ZNF124: variants seen among roughly 807,000 people sequenced by gnomAD.
The protein encoded by ZNF124 is zinc finger protein HZF-16.
Under a neutral mutation model 26.6 loss-of-function variants are expected in ZNF124, and 25 were observed. The observed-to-expected ratio is 0.94, with a 90% confidence interval of 0.68 to 1.31. The LOEUF is 1.31. Ranked by LOEUF, ZNF124 falls within the 40% of genes most tolerant of loss-of-function variation. The pLI is 0.00. For synonymous variants in ZNF124, 129 were observed against 133.3 expected (o/e 0.97, Z 0.22); for missense variants, 444 against 422.2 (o/e 1.05, Z -0.45).
intron 3 of ZNF124, among the ~76,000 whole-genome samples, chr1:247,134,290 A>G (rs1404175916): frequency 1.3e-5 from 2 of 152,246 alleles, no homozygotes; most frequent in Non-Finnish European, 2.9e-5. Context: ...AAAAGCCCCA[A>G]TTAAAAGACT....
downstream of ZNF124, among the ~76,000 whole-genome samples, chr1:247,151,259 C>T (rs556861430): frequency 3.8e-4 from 58 of 152,168 alleles, no homozygotes; most frequent in Middle Eastern, 3.4e-3. Context: ...GCGGGCGGAT[C>T]ATGAGGTCAG....
chr1:247,123,811 C>T (rs1276408013), exon 4 of ZNF124: 3 of 701,442 alleles, frequency 4.3e-6, no homozygotes, highest in Non-Finnish European at 7.8e-6. Context: ...CCAGCCCAGC[C>T]TCTTAGTAGC....
At chr1:247,153,580 G>A (rs1438608783), downstream of ZNF124, among the ~76,000 whole-genome samples, 3 of 152,046 alleles carry the variant, frequency 2.0e-5, no homozygotes, top group Non-Finnish European at 1.5e-5. Context: ...ATAACATTTC[G>A]GATTTCTACT....
At chr1:247,142,493 A>C (rs1252033275) in intron 3 of ZNF124, among the ~76,000 whole-genome samples, 1 of 152,228 alleles carries the variant, frequency 6.6e-6, no homozygotes, top group Non-Finnish European at 1.5e-5. Flanking sequence ...TATATTAAAA[A>C]GAGTAGCAAA....
chr1:247,160,595 TTATC>T (rs1315839529), intron 1 of ZNF124, among the ~76,000 whole-genome samples: 1 of 152,198 alleles, frequency 6.6e-6, no homozygotes, highest in Non-Finnish European at 1.5e-5. Flanking sequence ...GCTAAATAGT[TTATC>T]TAAACAATCT....
At chr1:247,134,363 T>C (rs1446688180) in intron 3 of ZNF124, among the ~76,000 whole-genome samples, 1 of 152,160 alleles carries the variant, frequency 6.6e-6, no homozygotes, top group Non-Finnish European at 1.5e-5. Context: ...GAGACCTATC[T>C]TATGTGCAAA....
intron 1 of ZNF124, among the ~76,000 whole-genome samples, chr1:247,167,208 T>G (rs1223412262): frequency 1.3e-5 from 2 of 152,138 alleles, no homozygotes; most frequent in Non-Finnish European, 2.9e-5. Flanking sequence ...AACCCTTTTC[T>G]CCCAAGATCA....
intron 3 of ZNF124, among the ~76,000 whole-genome samples, chr1:247,147,013 T>C (rs1558379045): frequency 1.3e-5 from 2 of 151,926 alleles, no homozygotes; most frequent in South Asian, 2.1e-4. Flanking sequence ...ATGTGCAAAT[T>C]TGGGGGGAGT....
At chr1:247,145,279 T>G (rs535351054) in intron 3 of ZNF124, among the ~76,000 whole-genome samples, 1 of 152,242 alleles carries the variant, frequency 6.6e-6, no homozygotes, top group Non-Finnish European at 1.5e-5. Context: ...TTTAGTAGAT[T>G]TGATGATAAA....
At chr1:247,138,471 TG>T (rs1572062968) in intron 3 of ZNF124, 7 of 148,614 alleles carry the variant, frequency 4.7e-5, no homozygotes, top group Non-Finnish European at 4.3e-5. Context: ...TGTTGGGGGT[TG>T]GGGGGTGAGG....
intron 3 of ZNF124, among the ~76,000 whole-genome samples, chr1:247,132,588 A>C (rs1285848429): frequency 6.6e-6 from 1 of 152,240 alleles, no homozygotes; most frequent in African/African-American, 2.4e-5. Flanking sequence ...ATATTGTCTT[A>C]TGCCCAATTT....
intron 1 of ZNF124, among the ~76,000 whole-genome samples, chr1:247,170,849 C>T (rs1287195215): frequency 7.7e-6 from 1 of 130,312 alleles, no homozygotes; most frequent in Admixed American, 7.4e-5. Context: ...CCGGTCAGGT[C>T]AAGGGTCAAT....
At chr1:247,131,812 G>A (rs4115690) in intron 3 of ZNF124, among the ~76,000 whole-genome samples, 12,017 of 152,248 alleles carry the variant, frequency 0.079, 800 homozygotes, top group African/African-American at 0.17. Context: ...AGGGGTGGCC[G>A]CAGTCTCTGC....
rs565823825 is a variant in ZNF124, at chr1:247,165,092, G to A, written c.31-5279C>T. Among the ~76,000 whole-genome samples, 5 of 151,970 alleles carry A rather than the reference G, an allele frequency of 3.3e-5. No homozygotes were observed. In the East Asian group the frequency reaches 5.8e-4, roughly 18 times the overall value. ...TGCCATTCTCCTGCCTCAGCCTCCC[G>A]AGTAGCTGTGACTACAGGCGCCTGC... On this transcript the variant is annotated intron_variant, in intron 1 of 3. Coordinates refer to ENST00000543802, the MANE Select transcript of ZNF124 (RefSeq NM_001297568.2).
intron 3 of ZNF124, among the ~76,000 whole-genome samples, chr1:247,131,122 A>G (rs1672351952): frequency 1.3e-5 from 2 of 152,212 alleles, no homozygotes; most frequent in Admixed American, 6.5e-5. Context: ...ACCAGCAACC[A>G]GGTTCTCTCA....
chr1:247,158,828 C>T (rs112758144), intron 3 of ZNF124, among the ~76,000 whole-genome samples, 178 bp downstream of exon 3: 17,410 of 152,054 alleles, frequency 0.11, 1,279 homozygotes, highest in African/African-American at 0.18. Context: ...GGGTTTTTGC[C>T]GTGTTGGTCA....
chr1:247,139,554 T>C (rs924772604), intron 3 of ZNF124, among the ~76,000 whole-genome samples: 2 of 152,230 alleles, frequency 1.3e-5, no homozygotes, highest in African/African-American at 4.8e-5. Context: ...AGCTGGTTAT[T>C]ATGCTGACTT....
chr1:247,125,757 T>G (rs1005842019), intron 3 of ZNF124, among the ~76,000 whole-genome samples: 1 of 152,208 alleles, frequency 6.6e-6, no homozygotes, highest in Non-Finnish European at 1.5e-5. Context: ...AATGCAGTGG[T>G]ATCTCATTGA....
chr1:247,148,787 C>T (rs947532117), intron 3 of ZNF124, among the ~76,000 whole-genome samples: 12 of 146,898 alleles, frequency 8.2e-5, no homozygotes, highest in South Asian at 2.2e-4. Context: ...GGTGAAACCC[C>T]GTCTCTACTA....
Sources: allele counts gnomAD v4.1 joint callset (sites outside exome capture counted in the v4.1 genomes callset), GRCh38; gene constraint gnomAD v4.1.1; transcripts MANE v1.5; gene names NCBI Gene and HGNC (gene_info 2026-07-23, HGNC 2026-07-21).